The following EIF2B3 variants were observed in gnomAD, a reference collection of about 807,000 sequenced individuals.
EIF2B3 encodes eukaryotic translation initiation factor 2B subunit gamma, also known as translation initiation factor eIF2B subunit gamma.
Under a neutral mutation model 54.1 loss-of-function variants are expected in EIF2B3, and 20 were observed. The observed-to-expected ratio is 0.37, with a 90% CI of 0.26 to 0.54. The LOEUF (loss-of-function observed/expected upper bound fraction) is 0.54, where lower values mean the gene tolerates loss of function less well. Ranked by LOEUF, EIF2B3 falls within the 20% of genes least tolerant of loss-of-function variation. The pLI, the probability that EIF2B3 is intolerant of heterozygous loss-of-function variation, is 0.86. For synonymous variants in EIF2B3, 153 were observed against 188.1 expected (o/e 0.81, Z 1.52); for missense variants, 448 against 547.8 (o/e 0.82, Z 1.82).
At chr1:44,909,212 A>G (rs1473026596) in intron 5 of EIF2B3, among the ~76,000 whole-genome samples, 3 of 152,166 alleles carry the variant, frequency 2.0e-5, no homozygotes, top group Non-Finnish European at 2.9e-5. Context: ...AGGGACTAGA[A>G]AGATTTGAGG....
intron 3 of EIF2B3, among the ~76,000 whole-genome samples, chr1:44,974,163 C>T (rs1286628690): frequency 6.7e-6 from 1 of 149,818 alleles, no homozygotes; most frequent in African/African-American, 2.5e-5. Context: ...CTGGCCAGGG[C>T]AATGAGACAA....
At chr1:44,882,195 T>C (rs1168462153) in intron 6 of EIF2B3, among the ~76,000 whole-genome samples, 1 of 152,184 alleles carries the variant, frequency 6.6e-6, no homozygotes, top group African/African-American at 2.4e-5. Context: ...CTTCAAGGAA[T>C]TCATAATCCA....
intron 4 of EIF2B3, among the ~76,000 whole-genome samples, chr1:44,929,238 A>T (rs766590260): frequency 1.3e-5 from 2 of 152,212 alleles, no homozygotes; most frequent in African/African-American, 2.4e-5. Flanking sequence ...AGGAAAAATG[A>T]GATCTGTAAA....
At position 44,942,378 on chromosome 1, in the gene EIF2B3, TA is replaced by T. The variant is rs1194484996; in HGVS notation, c.295-714del. On this transcript the variant is annotated intron_variant, in intron 3 of 11. Coordinates refer to ENST00000360403, the MANE Select transcript of EIF2B3 (RefSeq NM_020365.5). ...CTCTTATTGGTGGGCTTTCTGATTT[TA>T]TATATATATATATATATATATATAT... 7.8e-3 allele frequency among the ~76,000 whole-genome samples: 58 copies of T among 7,408 alleles called. 1 individual carries two copies. Among genetic ancestry groups the T allele is most frequent in the African/African-American group, 8.4e-3 (9 of 1,072 alleles). The allele number at this position is 7,408 out of a possible 152,430, so 4.9% of individuals were successfully genotyped here. A position where few individuals can be genotyped will look rare whatever the true frequency, so the allele number is the denominator to read the frequency against.
chr1:44,950,287 G>A (rs1314336371), intron 3 of EIF2B3, among the ~76,000 whole-genome samples: 2 of 152,076 alleles, frequency 1.3e-5, no homozygotes, highest in Admixed American at 6.6e-5. Flanking sequence ...AGCCAGGCAT[G>A]GTGGTGCATG....
chr1:44,914,083 G>T (rs1343025604), intron 5 of EIF2B3, among the ~76,000 whole-genome samples: 1 of 143,250 alleles, frequency 7.0e-6, no homozygotes, highest in Non-Finnish European at 1.5e-5. Context: ...CTCTTGCCTT[G>T]GTCTCTCAAA....
chr1:44,857,787 A>G lies in EIF2B3; in HGVS notation c.1223T>C (p.Val408Ala). The G allele has an allele frequency of 1.2e-6, 2 of 1,614,120 alleles. No homozygotes were observed. Among genetic ancestry groups the G allele is most frequent in the Non-Finnish European group, 1.7e-6 (2 of 1,179,994 alleles). The stretch of plus-strand genomic sequence containing the variant: ...CTCGATCACAGCATTGTTGCAGATG[A>G]CACTGCCTTGGATATTGCTTCTGTA... ...VEEGSNIQGS[V>A]ICNNAVIEKG... Residue 408 changes from valine (V) to alanine (A), a missense_variant, in exon 11 of 12, where the codon GTC becomes GCC. By Grantham distance (64) the Val-to-Ala change is moderately conservative. Transcript: ENST00000360403.
At chr1:44,977,211 T>A (rs544684279) in intron 3 of EIF2B3, among the ~76,000 whole-genome samples, 14 of 152,220 alleles carry the variant, frequency 9.2e-5, no homozygotes, top group Non-Finnish European at 1.6e-4. Context: ...CTACAGTGGA[T>A]CTTTCTCAGC....
intron 3 of EIF2B3, among the ~76,000 whole-genome samples, chr1:44,952,794 C>T (rs1042028446): frequency 2.0e-5 from 3 of 152,002 alleles, no homozygotes; most frequent in Non-Finnish European, 2.9e-5. Flanking sequence ...CCTCGTGATC[C>T]GCCCGCCTCG....
intron 8 of EIF2B3, among the ~76,000 whole-genome samples, chr1:44,875,956 C>A (rs1465525834): frequency 6.6e-6 from 1 of 152,238 alleles, no homozygotes; most frequent in Non-Finnish European, 1.5e-5. Flanking sequence ...GACTGGTTTT[C>A]GTATTTTTTT....
At chr1:44,857,418 C>A (rs190961393) in intron 11 of EIF2B3, among the ~76,000 whole-genome samples, 13 of 151,940 alleles carry the variant, frequency 8.6e-5, no homozygotes, top group Admixed American at 3.9e-4. Flanking sequence ...GTAATTCCAG[C>A]GACTCAGGAG....
At chr1:44,919,759 C>G (rs1262880358) in intron 5 of EIF2B3, among the ~76,000 whole-genome samples, 1 of 147,406 alleles carries the variant, frequency 6.8e-6, no homozygotes, top group East Asian at 2.0e-4. Flanking sequence ...ACTCTGTCAC[C>G]AGGCTGCAGT....
At chr1:44,863,672 C>T (rs962770497) in intron 10 of EIF2B3, among the ~76,000 whole-genome samples, 2 of 152,298 alleles carry the variant, frequency 1.3e-5, no homozygotes, top group Middle Eastern at 3.4e-3. Context: ...CATCCCATTT[C>T]CTTCCTTCTT....
chr1:44,978,416 C>T lies in EIF2B3; in HGVS notation c.193G>A (p.Ala65Thr). The T allele has an allele frequency of 6.2e-7, 1 of 1,613,758 alleles. No individual in the cohort carries two copies. Among genetic ancestry groups the T allele is most frequent in the Non-Finnish European group, 8.5e-7 (1 of 1,179,988 alleles). Residue 65 changes from alanine to threonine, a missense_variant, in exon 3 of 12, where the codon GCA (alanine) becomes ACA (threonine). This residue lies in a region of EIF2B3 where 95 missense variants were observed against 115.7 expected (regional missense o/e 0.82). Coordinates refer to ENST00000360403, the MANE Select transcript of EIF2B3 (RefSeq NM_020365.5). ...GGCTTCATTTTCATCTTGAATTCTG[C>T]ACATAGAGCCTTTTGAACATCCCTG... The part of the protein sequence containing the change: ...TTRDVQKALC[A>T]EFKMKMKPDI...
At chr1:44,930,860 C>T (rs1643890984) in intron 4 of EIF2B3, among the ~76,000 whole-genome samples, 1 of 152,246 alleles carries the variant, frequency 6.6e-6, no homozygotes, top group Non-Finnish European at 1.5e-5. Context: ...AGGCTGGTCT[C>T]GAACTCCTGA....
At chr1:44,959,331 T>C (rs1644260993) in intron 3 of EIF2B3, 2 of 605,618 alleles carry the variant, frequency 3.3e-6, no homozygotes, top group African/African-American at 1.9e-5. Context: ...TTGCCTCTCC[T>C]CTCTGAGTGG....
At chr1:44,918,785 T>C (rs565898325) in intron 5 of EIF2B3, among the ~76,000 whole-genome samples, 2 of 152,248 alleles carry the variant, frequency 1.3e-5, no homozygotes, top group Non-Finnish European at 2.9e-5. Context: ...ATTTTCATCA[T>C]CAACCCTGCT....
At chr1:44,959,278 G>C in intron 3 of EIF2B3, 1 of 675,142 alleles carries the variant, frequency 1.5e-6, no homozygotes, top group Non-Finnish European at 2.8e-6. Context: ...TTTTTTTGTG[G>C]GTTCTTCCAC....
chr1:44,873,198 T>C (rs944603463), intron 10 of EIF2B3, among the ~76,000 whole-genome samples: 2 of 152,302 alleles, frequency 1.3e-5, no homozygotes, highest in African/African-American at 4.8e-5. Flanking sequence ...CAACTGATAT[T>C]AGTAGTTTAA....
Sources: allele counts gnomAD v4.1 joint callset (sites outside exome capture counted in the v4.1 genomes callset), GRCh38; gene constraint gnomAD v4.1.1; regional missense constraint gnomAD v4.1.1; transcripts MANE v1.5; gene names NCBI Gene and HGNC (gene_info 2026-07-23, HGNC 2026-07-21).